SLC17A4: variants seen among roughly 807,000 people sequenced by gnomAD.
The protein encoded by SLC17A4 is probable small intestine urate exporter.
Under a neutral mutation model 52.5 loss-of-function variants are expected in SLC17A4, and 33 were observed. The observed-to-expected ratio is 0.63, with a 90% CI of 0.48 to 0.84. The LOEUF is 0.84. Among genes scored for constraint, SLC17A4 ranks in the 40% least tolerant of loss-of-function variants. The pLI, the probability that SLC17A4 is intolerant of heterozygous loss-of-function variation, is 0.00. For synonymous variants in SLC17A4, 225 were observed against 216.2 expected, an observed-to-expected ratio of 1.04 and a Z score of -0.36; for missense variants, 585 against 597.1, an observed-to-expected ratio of 0.98 and a Z score of 0.21.
At position 25,759,397 on chromosome 6, in the gene SLC17A4, A is replaced by G. The variant is rs141614230; in HGVS notation, c.-36-2530A>G. Reference sequence around the variant, plus strand: ...ACCTGTCTAGTGCTGTCTGTGGAGTACTGAAGTCCCCCACTATTATTATGT... The same window carrying G: ...ACCTGTCTAGTGCTGTCTGTGGAGTGCTGAAGTCCCCCACTATTATTATGT... On this transcript the variant is annotated intron_variant, in intron 1 of 11. Coordinates refer to ENST00000377905, the MANE Select transcript of SLC17A4 (RefSeq NM_005495.3). 9.8e-3 allele frequency among the ~76,000 whole-genome samples: 1,497 copies of G among 152,230 alleles called. 30 individuals carry two copies. The highest frequency in any genetic ancestry group is 0.031 in the African/African-American group (1,299 of 41,524).
intron 2 of SLC17A4, among the ~76,000 whole-genome samples, chr6:25,766,711 T>G (rs987298129): frequency 6.6e-6 from 1 of 152,166 alleles, no homozygotes; most frequent in Admixed American, 6.5e-5. Flanking sequence ...GAGAAAAATA[T>G]CAGACAAATT....
intron 2 of SLC17A4, among the ~76,000 whole-genome samples, chr6:25,765,738 A>G (rs1433933755): frequency 6.6e-6 from 1 of 152,236 alleles, no homozygotes; most frequent in African/African-American, 2.4e-5. Context: ...AGATTGTGTA[A>G]TAAAAAATGA....
intron 8 of SLC17A4, among the ~76,000 whole-genome samples, chr6:25,776,172 A>T (rs956821501): frequency 6.6e-6 from 1 of 152,068 alleles, no homozygotes; most frequent in African/African-American, 2.4e-5. Context: ...TGTTTTTGCC[A>T]ATTTGATCCA....
At chr6:25,762,685 T>G (rs2151424671) in intron 2 of SLC17A4, among the ~76,000 whole-genome samples, 1 of 152,274 alleles carries the variant, frequency 6.6e-6, no homozygotes, top group African/African-American at 2.4e-5. Context: ...TTTTAGCCAG[T>G]TTGTCTGTTA....
Position 25,762,968 on chromosome 6 carries a change from A to C in SLC17A4, c.91+915A>C, listed in dbSNP as rs140874173. Among the ~76,000 whole-genome samples, 190 of 152,314 alleles carry C rather than the reference A, an allele frequency of 1.2e-3. 2 individuals carry two copies. The East Asian group carries it at 0.028, about 22-fold the overall frequency. On this transcript the variant is annotated intron_variant, in intron 2 of 11. Transcript: ENST00000377905. ...AGAACTTATGTGTAAAATTTTACCA[A>C]GGTGCAGTATGGCATACTGGGTAAA...
At chr6:25,775,972 G>A (rs1469477137) in intron 8 of SLC17A4, among the ~76,000 whole-genome samples, 1 of 152,098 alleles carries the variant, frequency 6.6e-6, no homozygotes, top group African/African-American at 2.4e-5. Flanking sequence ...TGAAAACCTT[G>A]TTCATTTCTC....
At chr6:25,762,908 A>G (rs1171835667) in intron 2 of SLC17A4, among the ~76,000 whole-genome samples, 1 of 152,184 alleles carries the variant, frequency 6.6e-6, no homozygotes, top group Non-Finnish European at 1.5e-5. Flanking sequence ...CTTTTATCCT[A>G]TCATTCTGTC....
chr6:25,775,642 G>T (rs1762848085), intron 8 of SLC17A4, among the ~76,000 whole-genome samples: 3 of 151,920 alleles, frequency 2.0e-5, no homozygotes, highest in Non-Finnish European at 4.4e-5. Flanking sequence ...TGGCTAGGCT[G>T]GTCTCGAACT....
chr6:25,762,063 T>C lies in SLC17A4; in HGVS notation c.91+10T>C, dbSNP rs369407681. On this transcript the variant is annotated intron_variant, in intron 2 of 11. Transcript: ENST00000377905. The stretch of plus-strand genomic sequence containing the variant: ...GAATGCTCCAGGAAAGGTAAAATCA[T>C]GCACAGTAATCTGGTAGTAAATAAA... The C allele has an allele frequency of 6.2e-7, 1 of 1,610,202 alleles. No individual in the cohort carries two copies. The highest frequency in any genetic ancestry group is 1.1e-5 in the South Asian group (1 of 90,592).
intron 1 of SLC17A4, 37 bp from the exon 2 acceptor site, chr6:25,761,890 T>G (rs572549328): frequency 3.0e-5 from 37 of 1,239,522 alleles, no homozygotes; most frequent in South Asian, 1.8e-4. Context: ...CATATAAGAT[T>G]CTCCCTGTAT....
rs550227969 is a variant in SLC17A4 at position 25,777,211 on chromosome 6, A to G, written c.1268+252A>G. The G allele has an allele frequency of 6.9e-5, 31 of 449,864 alleles. 1 individual carries two copies. In the South Asian group the frequency reaches 1.2e-3, roughly 18 times the overall value. 27.9% of individuals were successfully genotyped at this position (449,864 alleles called of 1,614,324 possible). A position where few individuals can be genotyped will look rare whatever the true frequency, so the allele number is the denominator to read the frequency against. ...TCAGAGTCAACTGAGGGAGACTCAC[A>G]CAAACCTCTCTCTGTTGAGGAATGC... On this transcript the variant is annotated intron_variant, in intron 10 of 11. Coordinates refer to ENST00000377905, the MANE Select transcript of SLC17A4 (RefSeq NM_005495.3).
chr6:25,773,994 T>C (rs186913484), intron 8 of SLC17A4, among the ~76,000 whole-genome samples: 4 of 152,074 alleles, frequency 2.6e-5, no homozygotes, highest in African/African-American at 4.8e-5. Context: ...CTCAATCCCA[T>C]CAAAATTTGC....
chr6:25,766,063 A>C (rs1368385455), intron 2 of SLC17A4, among the ~76,000 whole-genome samples: 2 of 151,242 alleles, frequency 1.3e-5, no homozygotes, highest in Non-Finnish European at 2.9e-5. Context: ...TAGGAATTAT[A>C]ATTTATAATT....
chr6:25,755,255 C>T (rs578079444), intron 1 of SLC17A4, among the ~76,000 whole-genome samples: 12 of 152,186 alleles, frequency 7.9e-5, no homozygotes, highest in African/African-American at 2.6e-4. Context: ...TTAATGAAAA[C>T]CAAACGGTTC....
intron 3 of SLC17A4, 119 bp from the exon 4 acceptor site, chr6:25,769,948 G>C: frequency 1.2e-6 from 1 of 827,178 alleles, no homozygotes; most frequent in Non-Finnish European, 2.0e-6. Flanking sequence ...TATATTGGAG[G>C]AACTGGAGAA....
At chr6:25,759,269 T>A (rs1411708582) in intron 1 of SLC17A4, among the ~76,000 whole-genome samples, 1 of 152,202 alleles carries the variant, frequency 6.6e-6, no homozygotes, top group African/African-American at 2.4e-5. Context: ...GAATGTATAT[T>A]CTGCAGTTGT....
intron 2 of SLC17A4, among the ~76,000 whole-genome samples, chr6:25,763,317 G>T (rs985199235): frequency 6.6e-6 from 1 of 152,058 alleles, no homozygotes; most frequent in Non-Finnish European, 1.5e-5. Context: ...ATCCTGTTTT[G>T]GTAGTCTCAT....
chr6:25,768,070 CCTT>C (rs1327603269), intron 2 of SLC17A4, among the ~76,000 whole-genome samples: 10 of 152,128 alleles, frequency 6.6e-5, no homozygotes, highest in African/African-American at 2.4e-4. Context: ...ATGTGGCAAT[CCTT>C]CTTAATTTAA....
chr6:25,769,043 T>C lies in SLC17A4; in HGVS notation c.150T>C (p.Ile50=). The C allele has an allele frequency of 6.2e-7, 1 of 1,614,022 alleles. No individual in the cohort carries two copies. Among genetic ancestry groups the C allele is most frequent in the South Asian group, 1.1e-5 (1 of 91,076 alleles). The change falls in exon 3 of 12, where the codon ATT becomes ATC. Residue 50 remains isoleucine (I), a synonymous_variant. Transcript: ENST00000377905. The part of the protein sequence containing the change: ...ALILQLCNFS[I]YTQQMNLSIA... The stretch of plus-strand genomic sequence containing the variant: ...TCTTGCAGCTCTGTAATTTTTCAAT[T>C]TACACCCAACAAATGAACTTGAGCA...
Sources: allele counts gnomAD v4.1 joint callset (sites outside exome capture counted in the v4.1 genomes callset), GRCh38; gene constraint gnomAD v4.1.1; transcripts MANE v1.5; gene names NCBI Gene and HGNC (gene_info 2026-07-23, HGNC 2026-07-21).